ARSF: variants seen among roughly 807,000 people sequenced by gnomAD.
The protein encoded by ARSF is arylsulfatase F.
ARSF carries 33 observed loss-of-function variants against 35.4 expected under a neutral mutation model. That is an observed-to-expected ratio of 0.93 (90% CI 0.71 to 1.25). The LOEUF (loss-of-function observed/expected upper bound fraction) is 1.25, where lower values mean the gene tolerates loss of function less well. Ranked by LOEUF, ARSF falls within the 50% of genes most tolerant of loss-of-function variation. ARSF has a pLI of 0.00. For synonymous variants in ARSF, 222 were observed against 193.1 expected, an observed-to-expected ratio of 1.15 and a Z score of -1.24; for missense variants, 501 against 480.2, an observed-to-expected ratio of 1.04 and a Z score of -0.40.
At chrX:3,062,136 G>A (rs2090044583) in intron 1 of ARSF, among the ~76,000 whole-genome samples, 1 of 112,034 alleles carries the variant, frequency 8.9e-6, no homozygotes, top group Non-Finnish European at 1.9e-5. Context: ...TTAGAACTCA[G>A]GATTAAGAAA....
Position 3,054,802 on chromosome X carries a change from C to T in ARSF, c.-29+13139C>T, listed in dbSNP as rs1038602879. ...AGGCTGGAGTGCAACGGCACGATCT[C>T]GGCTCACTGCAATCTCCGCCTCCCA... On this transcript the variant is annotated intron_variant, in intron 1 of 10. Coordinates refer to ENST00000381127, the MANE Select transcript of ARSF (RefSeq NM_001201539.2). Among the ~76,000 whole-genome samples the T allele has an allele frequency of 2.0e-3, 210 of 106,867 alleles. 1 individual carries two copies. Among genetic ancestry groups the T allele is most frequent in the Non-Finnish European group, 3.6e-3 (187 of 51,785 alleles). 92.8% of individuals were successfully genotyped at this position (106,867 alleles called of 115,157 possible).
intron 5 of ARSF, among the ~76,000 whole-genome samples, chrX:3,081,234 T>A (rs1263659686): frequency 8.9e-6 from 1 of 111,864 alleles, no homozygotes; most frequent in Non-Finnish European, 1.9e-5. Flanking sequence ...AAAGACCCCG[T>A]CTCTAAAAAT....
chrX:3,050,456 G>T (rs1220318512), intron 1 of ARSF, among the ~76,000 whole-genome samples: 1 of 108,147 alleles, frequency 9.2e-6, no homozygotes, highest in Non-Finnish European at 1.9e-5. Flanking sequence ...TGAGGCAGGA[G>T]AATCGCTTGA....
At chrX:3,068,545 G>T (rs144204476) in intron 2 of ARSF, among the ~76,000 whole-genome samples, 113 of 111,231 alleles carry the variant, frequency 1.0e-3, no homozygotes, top group African/African-American at 3.5e-3. Context: ...TCAGCCTCCA[G>T]AGTAGCTGGG....
At chrX:3,065,459 T>G (rs182788637) in intron 1 of ARSF, among the ~76,000 whole-genome samples, 189 of 107,046 alleles carry the variant, frequency 1.8e-3, no homozygotes, top group African/African-American at 6.3e-3. Flanking sequence ...AATAAATAAA[T>G]AAATAAAATA....
Position 3,056,816 on chromosome X carries a change from T to C in ARSF, c.-28-11257T>C, listed in dbSNP as rs143173960. Reference sequence around the variant, plus strand: ...CATTGACCTTTTTCTATGATTCTCTTCCGATCACCCTAGGTAGAATTCCTT... The same window carrying C: ...CATTGACCTTTTTCTATGATTCTCTCCCGATCACCCTAGGTAGAATTCCTT... On this transcript the variant is annotated intron_variant, in intron 1 of 10. Transcript: ENST00000381127. Among the ~76,000 whole-genome samples the C allele has an allele frequency of 5.1e-3, 564 of 111,481 alleles. 4 individuals carry two copies. The highest frequency in any genetic ancestry group is 0.017 in the African/African-American group (524 of 30,722).
At chrX:3,093,122 G>A (rs113265297) in intron 7 of ARSF, among the ~76,000 whole-genome samples, 1,708 of 111,399 alleles carry the variant, frequency 0.015, 19 homozygotes, top group Non-Finnish European at 0.021. Context: ...CCGAGATCGC[G>A]CCACTGCACT....
At chrX:3,059,020 T>G (rs1050093944) in intron 1 of ARSF, among the ~76,000 whole-genome samples, 3 of 111,846 alleles carry the variant, frequency 2.7e-5, no homozygotes, top group Admixed American at 1.9e-4. Flanking sequence ...CAGAATGAAT[T>G]GAGAGAGTCC....
rs756307038 is a variant in ARSF, at chrX:3,088,896, T to A, written c.831-600T>A. ...CCTTCCAAGGAGTTCTGGGCTGGAT[T>A]TTTTAGGGGAATCATGGAGGGTCTT... On this transcript the variant is annotated intron_variant, in intron 6 of 10. Coordinates refer to ENST00000381127, the MANE Select transcript of ARSF (RefSeq NM_001201539.2). 2.7e-5 allele frequency among the ~76,000 whole-genome samples: 3 copies of A among 110,714 alleles called. No homozygotes were observed. The East Asian group carries it at 8.6e-4, about 32-fold the overall frequency.
intron 1 of ARSF, among the ~76,000 whole-genome samples, chrX:3,045,274 G>A (rs2089969993): frequency 9.0e-6 from 1 of 111,714 alleles, no homozygotes; most frequent in Non-Finnish European, 1.9e-5. Flanking sequence ...CATGGCCACA[G>A]AAATCGAGGA....
intron 7 of ARSF, among the ~76,000 whole-genome samples, chrX:3,098,720 T>C (rs1242000458): frequency 1.8e-5 from 2 of 111,623 alleles, no homozygotes; most frequent in Admixed American, 1.9e-4. Flanking sequence ...GGTATGTCTT[T>C]ATTAGCATCG....
At position 3,103,843 on chromosome X, in the gene ARSF, G is replaced by T. The variant is rs369509309; in HGVS notation, c.1184G>T (p.Arg395Leu). The change falls in exon 9 of 11, where the codon CGG becomes CTG. Residue 395 changes from arginine to leucine, a missense_variant. Transcript: ENST00000381127. ...TGGCCTGGAAAGGTACCAGCTGGACGGTTGATTAAGGAACCTACAAGTTTA... is the reference window on the plus strand; with the variant it reads ...TGGCCTGGAAAGGTACCAGCTGGACTGTTGATTAAGGAACCTACAAGTTTA... ...VRWPGKVPAGRLIKEPTSLMD... is the reference protein window; with the variant it reads ...VRWPGKVPAGLLIKEPTSLMD... 8.3e-7 allele frequency: 1 copy of T among 1,209,770 alleles called. No individual in the cohort carries two copies. The highest frequency in any genetic ancestry group is 1.7e-5 in the African/African-American group (1 of 57,197).
intron 1 of ARSF, among the ~76,000 whole-genome samples, chrX:3,056,255 C>T (rs182904593): frequency 5.5e-5 from 6 of 109,024 alleles, no homozygotes; most frequent in East Asian, 5.8e-4. Context: ...GCCACTGCGC[C>T]GGGTCGCACC....
chrX:3,076,135 T>C (rs1216162294), intron 3 of ARSF, among the ~76,000 whole-genome samples: 2 of 106,882 alleles, frequency 1.9e-5, no homozygotes, highest in East Asian at 3.0e-4. Flanking sequence ...CTCTCTCTCT[T>C]GTCTTCTCTC....
At chrX:3,044,374 C>A (rs1004662379) in intron 1 of ARSF, among the ~76,000 whole-genome samples, 8 of 111,970 alleles carry the variant, frequency 7.1e-5, no homozygotes, top group Non-Finnish European at 1.5e-4. Flanking sequence ...GCTCATGTTA[C>A]TCAGCCTGCA....
intron 7 of ARSF, among the ~76,000 whole-genome samples, chrX:3,092,917 A>G (rs1337143085): frequency 8.9e-6 from 1 of 112,267 alleles, no homozygotes; most frequent in Non-Finnish European, 1.9e-5. Context: ...TCACGCCTGT[A>G]ATCCCAGCAC....
At chrX:3,080,793 T>C in intron 4 of ARSF, 98 bp from the exon 5 acceptor site, 10 of 1,042,728 alleles carry the variant, frequency 9.6e-6, no homozygotes, top group Non-Finnish European at 1.3e-5. Context: ...AACCATTACC[T>C]TGCAGATGAG....
chrX:3,098,047 AAC>A (rs3032523), intron 7 of ARSF, among the ~76,000 whole-genome samples: 1,266 of 88,028 alleles, frequency 0.014, 13 homozygotes, highest in African/African-American at 0.029. Flanking sequence ...ATACACACAC[AAC>A]ACACACACAC....
chrX:3,111,597 A>G lies in ARSF; in HGVS notation c.1391-577A>G, dbSNP rs190477384. ...GTCCCCAACTTTTTTGGCACCAGGG[A>G]CCAGTTTTGTAAAAGATAATTTTTC... is the stretch of plus-strand genomic sequence containing the variant. On this transcript the variant is annotated intron_variant, in intron 10 of 10. Transcript: ENST00000381127. 4.2e-3 allele frequency among the ~76,000 whole-genome samples: 465 copies of G among 111,095 alleles called. 3 individuals are homozygous for G. Among genetic ancestry groups the G allele is most frequent in the African/African-American group, 0.015 (450 of 30,632 alleles).
Sources: gnomAD v4.1 joint callset for allele counts (sites outside exome capture counted in the v4.1 genomes callset) on GRCh38, gnomAD v4.1.1 for gene constraint, MANE v1.5 for transcripts, NCBI Gene and HGNC (gene_info 2026-07-23, HGNC 2026-07-21) for gene names.